Variants in RNMT observed in about 807,000 individuals in gnomAD.
RNMT encodes the protein RNA guanine-7 methyltransferase.
RNMT carries 27 observed loss-of-function variants against 56.0 expected under a neutral mutation model. The observed-to-expected ratio is 0.48, with a 90% CI of 0.36 to 0.67. The LOEUF (loss-of-function observed/expected upper bound fraction) is 0.67, where lower values mean the gene tolerates loss of function less well. RNMT is among the 30% of genes least tolerant of loss of function. The pLI, the probability that RNMT is intolerant of heterozygous loss-of-function variation, is 0.00. For synonymous variants in RNMT, 184 were observed against 176.2 expected (o/e 1.04, Z -0.35); for missense variants, 519 against 552.1 (o/e 0.94, Z 0.60).
Position 13,762,097 on chromosome 18 carries a change from A to T in RNMT, c.*2118A>T. ...TTTCCACCGTCGGGCCAGGAAGAGC[A>T]CCTGTTGCTGCAAGCTCAGTGAAGT... On this transcript the variant is annotated 3_prime_UTR_variant, in exon 12 of 12. Transcript: ENST00000383314. The T allele has an allele frequency of 6.5e-7, 1 of 1,536,062 alleles. No homozygotes were observed. Among genetic ancestry groups the T allele is most frequent in the South Asian group, 1.2e-5 (1 of 84,054 alleles).
chr18:13,745,284 T>C (rs907418065), intron 8 of RNMT, among the ~76,000 whole-genome samples: 1 of 152,116 alleles, frequency 6.6e-6, no homozygotes, highest in African/African-American at 2.4e-5. Context: ...CTGGCTGCGA[T>C]TGGAAAATTC....
intron 5 of RNMT, among the ~76,000 whole-genome samples, chr18:13,739,461 T>C (rs779961130): frequency 3.9e-5 from 6 of 152,214 alleles, no homozygotes; most frequent in Non-Finnish European, 7.3e-5. Context: ...CCATTGCCTT[T>C]GCATTATCAG....
intron 3 of RNMT, 141 bp downstream of exon 3, chr18:13,732,075 C>T: frequency 1.8e-6 from 1 of 557,366 alleles, no homozygotes; most frequent in Non-Finnish European, 2.9e-6. Flanking sequence ...ACAAAGTAGG[C>T]TTTTAACTCT....
intron 5 of RNMT, among the ~76,000 whole-genome samples, chr18:13,737,909 A>AT (rs1225641842): frequency 2.0e-5 from 3 of 151,662 alleles, no homozygotes; most frequent in Non-Finnish European, 4.4e-5. Context: ...GAAAATCATA[A>AT]TTTTTTTCAT....
chr18:13,752,320 C>T lies in RNMT; in HGVS notation c.1258-6C>T. The T allele has an allele frequency of 1.9e-6, 3 of 1,586,370 alleles. No homozygotes were observed. The highest frequency in any genetic ancestry group is 1.3e-5 in the African/African-American group (1 of 74,392). On this transcript the variant is annotated splice_polypyrimidine_tract_variant and splice_region_variant and intron_variant, in intron 9 of 11. Coordinates refer to ENST00000383314, the MANE Select transcript of RNMT (RefSeq NM_003799.3). ...TTGTAACTAGGACTTTCATTTCTTT[C>T]CCCAGCCATATCCTGCAAATGAGAG...
intron 5 of RNMT, among the ~76,000 whole-genome samples, chr18:13,737,627 G>A (rs542653485): frequency 6.6e-6 from 1 of 152,004 alleles, no homozygotes; most frequent in African/African-American, 2.4e-5. Context: ...CTTCCCAAAA[G>A]GAAGGAAGCT....
chr18:13,749,028 A>G (rs2044397383), intron 9 of RNMT, among the ~76,000 whole-genome samples: 1 of 152,176 alleles, frequency 6.6e-6, no homozygotes, highest in Admixed American at 6.5e-5. Flanking sequence ...GCAGTGAGCG[A>G]AGATCACGCC....
intron 7 of RNMT, among the ~76,000 whole-genome samples, chr18:13,742,183 T>A (rs1256898554): frequency 2.0e-5 from 3 of 151,912 alleles, no homozygotes; most frequent in East Asian, 3.9e-4. Flanking sequence ...TACAAAAAAT[T>A]TACAAATTAG....
chr18:13,735,979 G>A (rs942331213), intron 4 of RNMT, among the ~76,000 whole-genome samples: 23 of 151,986 alleles, frequency 1.5e-4, no homozygotes, highest in Non-Finnish European at 3.1e-4. Context: ...CTTGTAGCTT[G>A]GTAAGTAAAC....
At chr18:13,729,174 C>G (rs1203419611) in intron 1 of RNMT, among the ~76,000 whole-genome samples, 1 of 152,136 alleles carries the variant, frequency 6.6e-6, no homozygotes, top group Non-Finnish European at 1.5e-5. Flanking sequence ...TCTAGATTTC[C>G]CAGCACCGTT....
Position 13,752,329 on chromosome 18 carries a change from T to C in RNMT, c.1261T>C (p.Tyr421His), listed in dbSNP as rs752890849. The C allele has an allele frequency of 5.6e-6, 9 of 1,604,116 alleles. No homozygotes were observed. Among genetic ancestry groups the C allele is most frequent in the South Asian group, 2.2e-5 (2 of 90,820 alleles). The change falls in exon 10 of 12, where the codon TAT (tyrosine) becomes CAT (histidine). Residue 421 changes from tyrosine (Y) to histidine (H), a missense_variant. By Grantham distance (83) the Tyr-to-His change is moderately conservative. Transcript: ENST00000383314. The part of the protein sequence containing the change: ...LLKRMQALEP[Y>H]PANESSKLVS... ...GGACTTTCATTTCTTTCCCCAGCCATATCCTGCAAATGAGAGTTCTAAACT... is the reference window on the plus strand; with the variant it reads ...GGACTTTCATTTCTTTCCCCAGCCACATCCTGCAAATGAGAGTTCTAAACT...
intron 10 of RNMT, among the ~76,000 whole-genome samples, chr18:13,752,933 C>T (rs867673158): frequency 3.0e-4 from 46 of 152,276 alleles, no homozygotes; most frequent in Non-Finnish European, 8.8e-5. Context: ...TCATTTATCA[C>T]ATCTGGAAAA....
At chr18:13,758,820 C>T (rs2044583398) in intron 11 of RNMT, among the ~76,000 whole-genome samples, 1 of 152,108 alleles carries the variant, frequency 6.6e-6, no homozygotes, top group African/African-American at 2.4e-5. Context: ...TCATTTCTAG[C>T]TTCTGATTTA....
chr18:13,734,357 G>A, intron 3 of RNMT, 107 bp from the exon 4 acceptor site: 2 of 998,536 alleles, frequency 2.0e-6, no homozygotes, highest in Non-Finnish European at 2.9e-6. Flanking sequence ...GTTTAGTGAA[G>A]TTTACCAATT....
chr18:13,741,665 T>G lies in RNMT; in HGVS notation c.948T>G (p.Gly316=). 6.2e-7 allele frequency: 1 copy of G among 1,610,780 alleles called. No homozygotes were observed. The highest frequency in any genetic ancestry group is 8.5e-7 in the Non-Finnish European group (1 of 1,177,882). Residue 316 remains glycine, a synonymous_variant, in exon 7 of 12, where the codon GGT becomes GGG. Coordinates refer to ENST00000383314, the MANE Select transcript of RNMT (RefSeq NM_003799.3). ...TTAGCCCTGGGGGCTATTTTATTGG[T>G]ACTACTCCCAATAGCTTTGAATTGA... The part of the protein sequence containing the change: ...ERLSPGGYFI[G]TTPNSFELIR...
chr18:13,759,003 ATTT>A (rs2044586120), intron 11 of RNMT, among the ~76,000 whole-genome samples: 2 of 152,184 alleles, frequency 1.3e-5, no homozygotes, highest in African/African-American at 4.8e-5. Flanking sequence ...CACACATGAC[ATTT>A]ATGAGTTCTC....
intron 9 of RNMT, among the ~76,000 whole-genome samples, chr18:13,751,163 C>T (rs1022200219): frequency 6.6e-6 from 1 of 152,174 alleles, no homozygotes; most frequent in Non-Finnish European, 1.5e-5. Context: ...GCAAAAGAAA[C>T]TATCATCAGA....
At chr18:13,754,067 C>A in intron 10 of RNMT, 47 bp from the exon 11 acceptor site, 1 of 1,074,362 alleles carries the variant, frequency 9.3e-7, no homozygotes, top group Non-Finnish European at 1.4e-6. Flanking sequence ...CATATGTTTA[C>A]TTCCATATTG....
Position 13,760,157 on chromosome 18 carries a change from A to G in RNMT, c.*178A>G, listed in dbSNP as rs2044601930. ...CTGTCTGTGACAGATGAACTTTTGC[A>G]TGTGTATATAAGAATGAGTTGGGAC... On this transcript the variant is annotated 3_prime_UTR_variant, in exon 12 of 12. Transcript: ENST00000383314. 1 of 1,341,596 alleles carries G rather than the reference A, an allele frequency of 7.5e-7. No homozygotes were observed. Among genetic ancestry groups the G allele is most frequent in the Non-Finnish European group, 9.5e-7 (1 of 1,047,364 alleles). The allele number at this position is 1,341,596 out of a possible 1,614,324, so 83.1% of individuals were successfully genotyped here. A position where few individuals can be genotyped will look rare whatever the true frequency, so the allele number is the denominator to read the frequency against.
Sources: allele counts gnomAD v4.1 joint callset (sites outside exome capture counted in the v4.1 genomes callset), GRCh38; gene constraint gnomAD v4.1.1; transcripts MANE v1.5; gene names NCBI Gene and HGNC (gene_info 2026-07-23, HGNC 2026-07-21).